SYNDIG1: variants seen among roughly 807,000 people sequenced by gnomAD.
The protein encoded by SYNDIG1 is synapse differentiation-inducing gene protein 1.
A neutral mutation model predicts 19.4 loss-of-function variants in SYNDIG1; 9 were observed. That is an observed-to-expected ratio of 0.46 (90% CI 0.28 to 0.81). The LOEUF is 0.81. Ranked by LOEUF, SYNDIG1 falls within the 30% of genes least tolerant of loss-of-function variation. SYNDIG1 has a pLI of 0.12. For synonymous variants in SYNDIG1, 141 were observed against 145.9 expected, an observed-to-expected ratio of 0.97 and a Z score of 0.24; for missense variants, 311 against 343.3, an observed-to-expected ratio of 0.91 and a Z score of 0.74.
At chr20:24,533,187 G>A (rs935747064) in intron 1 of SYNDIG1, among the ~76,000 whole-genome samples, 3 of 151,812 alleles carry the variant, frequency 2.0e-5, no homozygotes, top group Non-Finnish European at 2.9e-5. Context: ...CAGCTTATAC[G>A]CTTGCAGAAA....
intron 3 of SYNDIG1, among the ~76,000 whole-genome samples, chr20:24,645,358 A>G (rs2059413236): frequency 6.6e-6 from 1 of 152,220 alleles, no homozygotes; most frequent in African/African-American, 2.4e-5. Flanking sequence ...TCGTTTACCC[A>G]CAACTCGAGA....
chr20:24,524,311 C>T (rs1318824246), intron 1 of SYNDIG1, among the ~76,000 whole-genome samples: 1 of 152,126 alleles, frequency 6.6e-6, no homozygotes, highest in East Asian at 1.9e-4. Context: ...CTTCTTCTCG[C>T]CTTTGGTTAG....
chr20:24,633,223 C>T (rs566023848), intron 3 of SYNDIG1, among the ~76,000 whole-genome samples: 6 of 152,124 alleles, frequency 3.9e-5, no homozygotes, highest in Non-Finnish European at 8.8e-5. Flanking sequence ...GTCCTGGCCG[C>T]AATCATTCAG....
chr20:24,619,574 A>G (rs1394456029), intron 3 of SYNDIG1, among the ~76,000 whole-genome samples: 1 of 152,248 alleles, frequency 6.6e-6, no homozygotes, highest in Non-Finnish European at 1.5e-5. Context: ...CATAAACAAG[A>G]GCATGCATTT....
chr20:24,517,003 G>C (rs1378734072), intron 1 of SYNDIG1, among the ~76,000 whole-genome samples: 2 of 152,292 alleles, frequency 1.3e-5, no homozygotes, highest in East Asian at 3.9e-4. Context: ...CCTTTGTAGG[G>C]ACATGGATGA....
chr20:24,545,890 G>A (rs2057566858), intron 2 of SYNDIG1, among the ~76,000 whole-genome samples: 2 of 152,196 alleles, frequency 1.3e-5, no homozygotes, highest in Non-Finnish European at 2.9e-5. Flanking sequence ...TATAACGTAA[G>A]ATGGAGCATG....
chr20:24,635,277 A>G (rs1239164092), intron 3 of SYNDIG1, among the ~76,000 whole-genome samples: 4 of 152,220 alleles, frequency 2.6e-5, no homozygotes, highest in Non-Finnish European at 5.9e-5. Context: ...GTCCTGTCAC[A>G]AAATCCACTG....
At chr20:24,591,558 G>A (rs1235693362) in intron 3 of SYNDIG1, among the ~76,000 whole-genome samples, 1 of 151,970 alleles carries the variant, frequency 6.6e-6, no homozygotes, top group African/African-American at 2.4e-5. Context: ...CTTTTAAGTG[G>A]GAGAAATGAT....
chr20:24,658,514 C>T lies in SYNDIG1; in HGVS notation c.619-6832C>T, dbSNP rs894599188. Among the ~76,000 whole-genome samples, 2 of 152,080 alleles carry T rather than the reference C, an allele frequency of 1.3e-5. No individual in the cohort carries two copies. The highest frequency in any genetic ancestry group is 2.4e-5 in the African/African-American group (1 of 41,396). ...CCCTTCCCCAGTGACCTGCAGGTTT[C>T]GAGGGGCTTCCCCCTCCCACGGTCA... On this transcript the variant is annotated intron_variant, in intron 3 of 3. Coordinates refer to ENST00000376862, the MANE Select transcript of SYNDIG1 (RefSeq NM_024893.3). The surrounding 1 kb of genome is among the most constrained non-coding windows in gnomAD (Gnocchi z 4.4).
At chr20:24,632,965 T>C (rs1473596542) in intron 3 of SYNDIG1, among the ~76,000 whole-genome samples, 1 of 152,056 alleles carries the variant, frequency 6.6e-6, no homozygotes, top group South Asian at 2.1e-4. Context: ...TTTTTTTTTT[T>C]TCGTTTTGGT....
intron 1 of SYNDIG1, among the ~76,000 whole-genome samples, chr20:24,494,891 C>T (rs1435609561): frequency 6.6e-6 from 1 of 152,184 alleles, no homozygotes; most frequent in African/African-American, 2.4e-5. Context: ...AGGGCCTCCT[C>T]AGCCCTCTGA....
At chr20:24,570,482 A>C (rs1335739376) in intron 2 of SYNDIG1, among the ~76,000 whole-genome samples, 1 of 152,248 alleles carries the variant, frequency 6.6e-6, no homozygotes. Flanking sequence ...TAGTTTAAAA[A>C]TAGGCAAAAT....
intron 1 of SYNDIG1, among the ~76,000 whole-genome samples, chr20:24,506,322 G>T (rs2056590524): frequency 6.6e-6 from 1 of 152,202 alleles, no homozygotes; most frequent in African/African-American, 2.4e-5. Context: ...CCAGGTGGCA[G>T]CACACCCACA....
intron 1 of SYNDIG1, among the ~76,000 whole-genome samples, chr20:24,473,435 A>G (rs1332820452): frequency 6.6e-6 from 1 of 152,212 alleles, no homozygotes; most frequent in African/African-American, 2.4e-5. Context: ...GGAGGTTTGA[A>G]CAAATGTGGT....
In SYNDIG1 at chr20:24,538,773, GT is replaced by G. The variant is rs35891354; in HGVS notation, c.-78-4236del. ...TCCTCACCAACACTTGTTATTTTCC[GT>G]TTTTTTTTTTAACAGTAGCCATCCC... On this transcript the variant is annotated intron_variant, in intron 1 of 3. Coordinates refer to ENST00000376862, the MANE Select transcript of SYNDIG1 (RefSeq NM_024893.3). Among the ~76,000 whole-genome samples the G allele has an allele frequency of 3.5e-3, 521 of 148,640 alleles. 2 individuals are homozygous for G. Among genetic ancestry groups the G allele is most frequent in the African/African-American group, 0.01 (426 of 40,810 alleles).
chr20:24,483,661 C>T (rs8118265), intron 1 of SYNDIG1, among the ~76,000 whole-genome samples: 17,136 of 152,250 alleles, frequency 0.11, 1,158 homozygotes, highest in East Asian at 0.25. Context: ...TGCGGCTGAC[C>T]GTCTTGGCTC....
chr20:24,532,731 A>T (rs1223658847), intron 1 of SYNDIG1, among the ~76,000 whole-genome samples: 1 of 152,228 alleles, frequency 6.6e-6, no homozygotes, highest in African/African-American at 2.4e-5. Flanking sequence ...GCATGGCCCC[A>T]CAGCCTGAGC....
At chr20:24,506,452 C>T (rs1174192088) in intron 1 of SYNDIG1, among the ~76,000 whole-genome samples, 1 of 152,206 alleles carries the variant, frequency 6.6e-6, no homozygotes, top group African/African-American at 2.4e-5. Context: ...GCCACAGTCC[C>T]CCTGGTGCCA....
At chr20:24,612,355 G>A (rs979047755) in intron 3 of SYNDIG1, among the ~76,000 whole-genome samples, 5 of 152,146 alleles carry the variant, frequency 3.3e-5, no homozygotes, top group African/African-American at 9.7e-5. Flanking sequence ...AGGTGCCCCC[G>A]AGTCCTGAGT....
Sources: gnomAD v4.1 joint callset for allele counts (sites outside exome capture counted in the v4.1 genomes callset) on GRCh38, gnomAD v4.1.1 for gene constraint, Gnocchi (gnomAD v3.1) non-coding constraint, MANE v1.5 for transcripts, NCBI Gene and HGNC (gene_info 2026-07-23, HGNC 2026-07-21) for gene names.